Variants in GLIS3 observed in about 807,000 individuals in gnomAD.
The protein encoded by GLIS3 is zinc finger protein GLIS3.
GLIS3 carries 53 observed loss-of-function variants against 78.6 expected under a neutral mutation model. That is an observed-to-expected ratio of 0.67 (90% confidence interval 0.54 to 0.85). The LOEUF (loss-of-function observed/expected upper bound fraction) is 0.85. Ranked by LOEUF, GLIS3 falls within the 40% of genes least tolerant of loss-of-function variation. The probability of loss-of-function intolerance (pLI) is 0.00; values close to 1 mark genes in which losing one functional copy is unlikely to be tolerated. For missense variants in GLIS3, 1,703 were observed against 1,231.1 expected, an observed-to-expected ratio of 1.38 and a Z score of -5.74; for synonymous variants, 684 against 509.9, an observed-to-expected ratio of 1.34 and a Z score of -4.60.
intron 4 of GLIS3, chr9:4,054,390 T>A: frequency 1.0e-6 from 1 of 985,390 alleles, no homozygotes; most frequent in Non-Finnish European, 1.2e-6. Flanking sequence ...TTTCCCAAGC[T>A]CAGAGGAACC....
intron 2 of GLIS3, among the ~76,000 whole-genome samples, chr9:4,338,731 G>A (rs1817791661): frequency 2.0e-5 from 3 of 152,218 alleles, no homozygotes; most frequent in Admixed American, 1.3e-4. Flanking sequence ...CCCCATGGGA[G>A]AAGGAGCTGC....
At chr9:4,300,862 T>C (rs4741942), upstream of GLIS3, among the ~76,000 whole-genome samples, 118,135 of 151,832 alleles carry the variant, frequency 0.78, 48,946 homozygotes, top group South Asian at 0.94. Flanking sequence ...ATGCACACAA[T>C]ATCCTCCAGG....
the GLIS3 span, among the ~76,000 whole-genome samples, chr9:4,479,904 CTTTTTT>C: frequency 2.9e-4 from 32 of 108,728 alleles, no homozygotes; most frequent in South Asian, 3.1e-3. Context: ...ATTTCTTCTT[CTTTTTT>C]TTTTTTTTTT....
intron 4 of GLIS3, among the ~76,000 whole-genome samples, chr9:4,068,810 G>GTGCGTGCA (rs1564008168): frequency 4.8e-5 from 4 of 83,098 alleles, no homozygotes; most frequent in Non-Finnish European, 1.0e-4. Flanking sequence ...GTTATTTTTT[G>GTGCGTGCA]TGCATGCATG....
intron 2 of GLIS3, among the ~76,000 whole-genome samples, chr9:4,272,967 G>C (rs530307009): frequency 6.6e-6 from 1 of 152,304 alleles, no homozygotes; most frequent in African/African-American, 2.4e-5. Context: ...CTTTAGATGG[G>C]AGATACAGGT....
chr9:4,415,220 C>G, the GLIS3 span, among the ~76,000 whole-genome samples: 1 of 152,178 alleles, frequency 6.6e-6, no homozygotes, highest in African/African-American at 2.4e-5. Context: ...CATTGACTCC[C>G]TCAGACAAAG....
In GLIS3 at chr9:4,118,142, C is replaced by T. The variant is rs1222528144; in HGVS notation, c.1336G>A (p.Ala446Thr). ...GGCGGCAGAGGAGGGAGCGGAGGCGCGGGGGGTAGGTCTACGGTGCTGCCC... is the reference window on the plus strand; with the variant it reads ...GGCGGCAGAGGAGGGAGCGGAGGCGTGGGGGGTAGGTCTACGGTGCTGCCC... ...FPGSTVDLPPAPPLPPLPPPP... is the reference protein window; with the variant it reads ...FPGSTVDLPPTPPLPPLPPPP... The change falls in exon 4 of 11, where the codon GCG (alanine) becomes ACG (threonine). Residue 446 changes from alanine to threonine, a missense_variant. By Grantham distance (58) the Ala-to-Thr change is moderately conservative (BLOSUM62 0). Coordinates refer to ENST00000381971, the MANE Select transcript of GLIS3 (RefSeq NM_001042413.2). The surrounding 1 kb of genome is among the most constrained non-coding windows in gnomAD (Gnocchi z 4.7). 5 of 1,546,394 alleles carry T rather than the reference C, an allele frequency of 3.2e-6. No individual in the cohort carries two copies. The highest frequency in any genetic ancestry group is 4.4e-6 in the Non-Finnish European group (5 of 1,145,110).
chr9:4,385,745 GAAAGAAAGAA>G, the GLIS3 span, among the ~76,000 whole-genome samples: 45 of 31,346 alleles, frequency 1.4e-3, 7 homozygotes, highest in East Asian at 0.017. Flanking sequence ...GAAAAAGAAA[GAAAGAAAGAA>G]AGAAAGAAAG....
chr9:4,340,163 A>G (rs909022409), intron 2 of GLIS3, among the ~76,000 whole-genome samples: 1 of 151,854 alleles, frequency 6.6e-6, no homozygotes, highest in Non-Finnish European at 1.5e-5. Context: ...CATACTTTTA[A>G]TATTTTCTTT....
intron 2 of GLIS3, among the ~76,000 whole-genome samples, chr9:4,250,464 C>A (rs1206874717): frequency 1.3e-5 from 2 of 152,002 alleles, no homozygotes; most frequent in African/African-American, 2.4e-5. Context: ...TGGTGATATC[C>A]CCTTTATCAT....
intron 2 of GLIS3, among the ~76,000 whole-genome samples, chr9:4,326,035 C>T (rs1817592987): frequency 6.6e-6 from 1 of 152,140 alleles, no homozygotes; most frequent in Admixed American, 6.5e-5. Flanking sequence ...TGGGGAACAA[C>T]ACACACTGGG....
chr9:4,211,204 A>T (rs182999995), intron 2 of GLIS3, among the ~76,000 whole-genome samples: 7 of 152,282 alleles, frequency 4.6e-5, no homozygotes, highest in Admixed American at 3.9e-4. Context: ...GAATACATGA[A>T]CTTGTGCCCT....
chr9:4,485,551 A>T, the GLIS3 span, among the ~76,000 whole-genome samples: 1 of 152,160 alleles, frequency 6.6e-6, no homozygotes, highest in Non-Finnish European at 1.5e-5. Flanking sequence ...AGGGAGGCTG[A>T]TTTGAGTAAT....
chr9:4,059,804 T>TTGTGTGTGTGTGTGTGTGTG (rs138674422), intron 4 of GLIS3, among the ~76,000 whole-genome samples: 1,457 of 107,044 alleles, frequency 0.014, 36 homozygotes, highest in Non-Finnish European at 0.017. Context: ...TCAGCTTTAT[T>TTGTGTGTGTGTGTGTGTGTG]TGTGTGTGTG....
chr9:4,272,925 T>G (rs561513628), intron 2 of GLIS3, among the ~76,000 whole-genome samples: 1 of 152,350 alleles, frequency 6.6e-6, no homozygotes, highest in South Asian at 2.1e-4. Context: ...TACAACAAAT[T>G]ATATGATCAC....
the GLIS3 span, among the ~76,000 whole-genome samples, chr9:4,386,080 T>A: frequency 6.6e-6 from 1 of 152,202 alleles, no homozygotes; most frequent in African/African-American, 2.4e-5. Flanking sequence ...TTATCCCTTC[T>A]GCAAATGCTT....
intron 4 of GLIS3, among the ~76,000 whole-genome samples, chr9:3,973,157 G>T (rs1818514158): frequency 6.6e-6 from 1 of 152,152 alleles, no homozygotes; most frequent in Non-Finnish European, 1.5e-5. Flanking sequence ...GTCTGCTAGG[G>T]TTCCAAATGC....
At chr9:4,416,067 AG>A in the GLIS3 span, among the ~76,000 whole-genome samples, 4 of 150,906 alleles carry the variant, frequency 2.7e-5, no homozygotes, top group African/African-American at 4.8e-5. Flanking sequence ...TGCAGAGCAC[AG>A]GATCTAATGA....
intron 4 of GLIS3, among the ~76,000 whole-genome samples, chr9:4,088,261 G>C (rs1452424583): frequency 2.0e-5 from 3 of 152,200 alleles, no homozygotes; most frequent in African/African-American, 7.2e-5. Flanking sequence ...GCCTCCTTTT[G>C]GGAGAAGGCA....
Sources: gnomAD v4.1 joint callset for allele counts (sites outside exome capture counted in the v4.1 genomes callset) on GRCh38, gnomAD v4.1.1 for gene constraint, Gnocchi (gnomAD v3.1) non-coding constraint, MANE v1.5 for transcripts, NCBI Gene and HGNC (gene_info 2026-07-23, HGNC 2026-07-21) for gene names.